The following ACSL4 variants were observed in gnomAD, a reference collection of about 807,000 sequenced individuals.
ACSL4 encodes the protein acyl-CoA synthetase long chain family member 4.
ACSL4 carries 9 observed loss-of-function variants against 49.1 expected under a neutral mutation model. The observed-to-expected ratio is 0.18, with a 90% CI of 0.11 to 0.32. ACSL4 has a LOEUF of 0.32. Among genes scored for constraint, ACSL4 ranks in the 10% least tolerant of loss-of-function variants. ACSL4 has a pLI of 1.00. For missense variants in ACSL4, 333 were observed against 493.7 expected (o/e 0.67, Z 3.08); for synonymous variants, 191 against 170.3 (o/e 1.12, Z -0.95).
intron 4 of ACSL4, among the ~76,000 whole-genome samples, chrX:109,681,909 TACTCCTTAGGA>T (rs1924195336): frequency 2.7e-5 from 3 of 111,868 alleles, no homozygotes; most frequent in Admixed American, 1.9e-4. Flanking sequence ...CAAGGAGATC[TACTCCTTAGGA>T]GCCACCAGAG....
chrX:109,728,492 A>G (rs1187821687), intron 1 of ACSL4, among the ~76,000 whole-genome samples: 1 of 112,720 alleles, frequency 8.9e-6, no homozygotes, highest in Non-Finnish European at 1.9e-5. Context: ...TCATGCGTCT[A>G]TTTAATTTTA....
At chrX:109,723,510 C>T (rs986785082) in intron 1 of ACSL4, among the ~76,000 whole-genome samples, 10 of 111,621 alleles carry the variant, frequency 9.0e-5, no homozygotes, top group African/African-American at 2.9e-4. Context: ...TGCTTAACAG[C>T]ATACTTTGGA....
At chrX:109,727,660 T>C (rs1336529551) in intron 1 of ACSL4, among the ~76,000 whole-genome samples, 1 of 6,946 alleles carries the variant, frequency 1.4e-4, no homozygotes, top group Non-Finnish European at 2.5e-4. Context: ...TGTTAAATTG[T>C]GTGTGTGTGT....
At chrX:109,697,713 G>T (rs1276015679) in intron 1 of ACSL4, among the ~76,000 whole-genome samples, 4 of 95,417 alleles carry the variant, frequency 4.2e-5, no homozygotes, top group Admixed American at 1.1e-4. Context: ...ATTGACATGG[G>T]GGGGGGGGCG....
intron 9 of ACSL4, 88 bp from the exon 10 acceptor site, chrX:109,669,261 A>C: frequency 1.4e-6 from 1 of 721,516 alleles, no homozygotes; most frequent in Non-Finnish European, 2.1e-6. Context: ...TCTTGGGTAA[A>C]AGTCTTTAGC....
At position 109,723,332 on chromosome X, in the gene ACSL4, T is replaced by C. The variant is rs763252551; in HGVS notation, c.-66+9807A>G. The stretch of plus-strand genomic sequence containing the variant: ...GAATTGTACAGAGAAAAAGTAAAAC[T>C]ATACTGCCCTCCTCTAACACCACTC... On this transcript the variant is annotated intron_variant, in intron 1 of 15. Coordinates refer to ENST00000672401, the MANE Select transcript of ACSL4 (RefSeq NM_001318510.2). Among the ~76,000 whole-genome samples, 149 of 112,010 alleles carry C rather than the reference T, an allele frequency of 1.3e-3. 1 individual carries two copies. Among genetic ancestry groups the C allele is most frequent in the African/African-American group, 4.6e-3 (141 of 30,913 alleles).
Position 109,726,283 on chromosome X carries a change from C to T in ACSL4, c.-66+6856G>A, listed in dbSNP as rs774233160. Among the ~76,000 whole-genome samples the T allele has an allele frequency of 1.2e-4, 13 of 111,454 alleles. 3 individuals are homozygous for T. Among genetic ancestry groups the T allele is most frequent in the South Asian group, 1.1e-3 (3 of 2,684 alleles). The stretch of plus-strand genomic sequence containing the variant: ...AAAAATACAAAAAAAATTAGCCAGG[C>T]ATGGTGGTGGGCACCTATAATCCCA... On this transcript the variant is annotated intron_variant, in intron 1 of 15. Coordinates refer to ENST00000672401, the MANE Select transcript of ACSL4 (RefSeq NM_001318510.2).
intron 15 of ACSL4, among the ~76,000 whole-genome samples, chrX:109,652,527 A>C (rs754322490): frequency 8.9e-6 from 1 of 111,790 alleles, no homozygotes; most frequent in East Asian, 2.8e-4. Context: ...ATCCATTAAT[A>C]TATTCAGAGG....
Position 109,643,999 on chromosome X carries a change from C to T in ACSL4, c.*30G>A, listed in dbSNP as rs765895091. 5.1e-5 allele frequency: 61 copies of T among 1,206,993 alleles called. 1 individual carries two copies. In the South Asian group the frequency reaches 1.0e-3, roughly 20 times the overall value. On this transcript the variant is annotated 3_prime_UTR_variant, in exon 16 of 16. Coordinates refer to ENST00000672401, the MANE Select transcript of ACSL4 (RefSeq NM_001318510.2). ...AGGTTGAAAACCACCAGGCTACCTC[C>T]TGCACAACTGTCAATAAGACAACAA... is the stretch of plus-strand genomic sequence containing the variant.
At chrX:109,686,064 C>T (rs775597952) in intron 2 of ACSL4, among the ~76,000 whole-genome samples, 8 of 111,790 alleles carry the variant, frequency 7.2e-5, no homozygotes, top group African/African-American at 2.6e-4. Context: ...TAAGGTATGT[C>T]ATGTCAAGGG....
chrX:109,704,431 TTG>T (rs1450931673), intron 1 of ACSL4, among the ~76,000 whole-genome samples: 1 of 111,806 alleles, frequency 8.9e-6, no homozygotes, highest in Non-Finnish European at 1.9e-5. Flanking sequence ...ATCATTCATT[TTG>T]TTACATAAAT....
intron 1 of ACSL4, among the ~76,000 whole-genome samples, chrX:109,713,129 C>T (rs1412858117): frequency 2.7e-5 from 3 of 110,803 alleles, no homozygotes; most frequent in Non-Finnish European, 5.7e-5. Flanking sequence ...GAATTTGATG[C>T]AGTGAAGAGT....
chrX:109,683,510 G>A (rs373292070), intron 2 of ACSL4, 135 bp from the exon 3 acceptor site: 3 of 1,143,197 alleles, frequency 2.6e-6, no homozygotes, highest in Non-Finnish European at 3.6e-6. Context: ...CTAAAATGGT[G>A]CTTATTTCTT....
intron 13 of ACSL4, among the ~76,000 whole-genome samples, chrX:109,662,141 C>G (rs1222083083): frequency 9.0e-6 from 1 of 111,184 alleles, no homozygotes; most frequent in Admixed American, 9.6e-5. Flanking sequence ...CATGTTAATT[C>G]TCCTTTTCCA....
At chrX:109,699,656 A>C (rs1308900648) in intron 1 of ACSL4, among the ~76,000 whole-genome samples, 1 of 111,979 alleles carries the variant, frequency 8.9e-6, no homozygotes, top group African/African-American at 3.2e-5. Context: ...AGCAAAATGT[A>C]CTTCAAATAC....
At chrX:109,679,988 G>A (rs1331153688) in intron 6 of ACSL4, among the ~76,000 whole-genome samples, 2 of 111,927 alleles carry the variant, frequency 1.8e-5, no homozygotes, top group Non-Finnish European at 3.8e-5. Flanking sequence ...CTTTGTTCCA[G>A]ACTATCTTTA....
At chrX:109,677,257 C>T (rs1177840558) in intron 8 of ACSL4, among the ~76,000 whole-genome samples, 4 of 109,722 alleles carry the variant, frequency 3.6e-5, no homozygotes, top group African/African-American at 1.3e-4. Context: ...CCACCGCGCC[C>T]GGCCCTTAAT....
chrX:109,652,648 C>A (rs1490894742), intron 15 of ACSL4, among the ~76,000 whole-genome samples: 1 of 111,119 alleles, frequency 9.0e-6, no homozygotes, highest in Non-Finnish European at 1.9e-5. Context: ...AAATGCTATA[C>A]TTAAATACCT....
At chrX:109,683,628 A>T (rs915177996) in intron 2 of ACSL4, 7 of 468,089 alleles carry the variant, frequency 1.5e-5, no homozygotes, top group African/African-American at 1.5e-4. Context: ...TGATACAGAT[A>T]AAAGTTAGTA....
Sources: gnomAD v4.1 joint callset for allele counts (sites outside exome capture counted in the v4.1 genomes callset) on GRCh38, gnomAD v4.1.1 for gene constraint, MANE v1.5 for transcripts, NCBI Gene and HGNC (gene_info 2026-07-23, HGNC 2026-07-21) for gene names.